The following MAGI2 variants were observed in gnomAD, a reference collection of about 807,000 sequenced individuals.
MAGI2 encodes membrane associated guanylate kinase, WW and PDZ domain containing 2, also known as membrane-associated guanylate kinase, WW and PDZ domain-containing protein 2.
MAGI2 carries 35 observed loss-of-function variants against 133.3 expected under a neutral mutation model. The ratio of observed to expected loss-of-function variants is 0.26; its 90% CI spans 0.20 to 0.35. The LOEUF (loss-of-function observed/expected upper bound fraction) is 0.35, where lower values mean the gene tolerates loss of function less well. MAGI2 is among the 10% of genes least tolerant of loss of function. The pLI is 1.00. For missense variants in MAGI2, 1,636 were observed against 1,863.4 expected (o/e 0.88, Z 2.25); for synonymous variants, 729 against 710.6 (o/e 1.03, Z -0.41).
At chr7:78,054,462 G>A (rs1812345694) in intron 21 of MAGI2, among the ~76,000 whole-genome samples, 1 of 151,930 alleles carries the variant, frequency 6.6e-6, no homozygotes, top group Admixed American at 6.6e-5. Flanking sequence ...GCTGAAGACT[G>A]GAGAGGCAGG....
At chr7:78,696,934 G>A (rs1338886571) in intron 2 of MAGI2, among the ~76,000 whole-genome samples, 3 of 152,108 alleles carry the variant, frequency 2.0e-5, no homozygotes, top group South Asian at 4.2e-4. Flanking sequence ...CACCAATCCA[G>A]CCTTTATTTT....
chr7:78,687,932 T>C (rs1017372566), intron 2 of MAGI2, among the ~76,000 whole-genome samples: 4 of 125,260 alleles, frequency 3.2e-5, no homozygotes, highest in African/African-American at 9.2e-5. Flanking sequence ...ACTGGGCCAC[T>C]GTACTCCAGT....
At chr7:78,703,490 C>T (rs573337390) in intron 2 of MAGI2, among the ~76,000 whole-genome samples, 13 of 152,028 alleles carry the variant, frequency 8.6e-5, no homozygotes, top group African/African-American at 2.4e-4. Flanking sequence ...AATCATTTTG[C>T]GTTGAATGGA....
intron 10 of MAGI2, among the ~76,000 whole-genome samples, chr7:78,231,954 A>C (rs1790017846): frequency 6.6e-6 from 1 of 151,676 alleles, no homozygotes; most frequent in African/African-American, 2.4e-5. Context: ...CCATAATACA[A>C]CCCCAAAATG....
chr7:78,618,175 C>T (rs1271023301), intron 3 of MAGI2: 3 of 151,964 alleles, frequency 2.0e-5, no homozygotes, highest in Non-Finnish European at 4.4e-5. Context: ...AAATCCAAGA[C>T]TTAACATGCA....
intron 2 of MAGI2, among the ~76,000 whole-genome samples, chr7:78,701,282 T>C (rs1818043704): frequency 6.6e-6 from 1 of 151,980 alleles, no homozygotes. Context: ...ATTTTGACTG[T>C]AAACAAGATT....
chr7:78,539,573 G>C (rs190043906), intron 3 of MAGI2, among the ~76,000 whole-genome samples: 1 of 152,132 alleles, frequency 6.6e-6, no homozygotes, highest in African/African-American at 2.4e-5. Flanking sequence ...GTATTCCAGA[G>C]CTATTCACAG....
At chr7:78,020,099 C>T in intron 21 of MAGI2, 123 bp from the exon 22 acceptor site, 1 of 756,224 alleles carries the variant, frequency 1.3e-6, no homozygotes, top group South Asian at 2.1e-5. Flanking sequence ...CCACCGCCGC[C>T]CCCACCCCCA....
At chr7:79,332,013 G>A (rs1387876999) in intron 1 of MAGI2, among the ~76,000 whole-genome samples, 1 of 151,824 alleles carries the variant, frequency 6.6e-6, no homozygotes, top group Non-Finnish European at 1.5e-5. Flanking sequence ...CAAAAAGGTA[G>A]CATTTTTGAG....
intron 1 of MAGI2, among the ~76,000 whole-genome samples, chr7:79,318,765 T>A (rs1012854481): frequency 1.3e-5 from 2 of 152,152 alleles, no homozygotes; most frequent in African/African-American, 2.4e-5. Flanking sequence ...GAAAAAATAA[T>A]TAAACAAATT....
intron 2 of MAGI2, among the ~76,000 whole-genome samples, chr7:78,747,720 G>A (rs1178750763): frequency 6.6e-6 from 1 of 152,136 alleles, no homozygotes; most frequent in African/African-American, 2.4e-5. Flanking sequence ...TTTACTCAAA[G>A]CTGCATCCGT....
At chr7:79,330,049 C>G (rs1296706334) in intron 1 of MAGI2, among the ~76,000 whole-genome samples, 1 of 151,978 alleles carries the variant, frequency 6.6e-6, no homozygotes, top group African/African-American at 2.4e-5. Context: ...GCAGATACTC[C>G]AAGTATAGTT....
intron 1 of MAGI2, among the ~76,000 whole-genome samples, chr7:79,071,420 C>T (rs978760325): frequency 1.3e-5 from 2 of 152,046 alleles, no homozygotes; most frequent in Admixed American, 6.5e-5. Context: ...TCAGGATACA[C>T]GGGGGTCAGG....
At chr7:78,894,999 A>T (rs533700962) in intron 2 of MAGI2, among the ~76,000 whole-genome samples, 2 of 152,158 alleles carry the variant, frequency 1.3e-5, no homozygotes, top group African/African-American at 4.8e-5. Context: ...TTTAACCCCA[A>T]TGTAACAGTA....
intron 20 of MAGI2, among the ~76,000 whole-genome samples, chr7:78,123,956 AAG>A (rs1200465041): frequency 6.6e-6 from 1 of 152,230 alleles, no homozygotes; most frequent in African/African-American, 2.4e-5. Flanking sequence ...TTCTGTAAGA[AAG>A]AGGAATCTTT....
chr7:78,998,445 AC>A (rs1482711720), intron 2 of MAGI2, among the ~76,000 whole-genome samples: 4 of 152,084 alleles, frequency 2.6e-5, no homozygotes, highest in African/African-American at 9.7e-5. Flanking sequence ...AAAGTTTAAT[AC>A]CTTTGCCAAG....
chr7:79,195,057 C>A (rs1310847076), intron 1 of MAGI2, among the ~76,000 whole-genome samples: 1 of 152,016 alleles, frequency 6.6e-6, no homozygotes, highest in Non-Finnish European at 1.5e-5. Flanking sequence ...TTTTTCGATA[C>A]TTTCTAATTT....
intron 21 of MAGI2, among the ~76,000 whole-genome samples, chr7:78,063,232 AT>A (rs1471083431): frequency 9.9e-6 from 1 of 101,224 alleles, no homozygotes; most frequent in Admixed American, 1.0e-4. Context: ...GATAGAAGGT[AT>A]TTTTTTCTTT....
At chr7:78,678,190 T>A (rs1389366251) in intron 2 of MAGI2, among the ~76,000 whole-genome samples, 1 of 152,134 alleles carries the variant, frequency 6.6e-6, no homozygotes, top group Non-Finnish European at 1.5e-5. Flanking sequence ...TTTTCATGAA[T>A]TTCACCTTTT....
Sources: gnomAD v4.1 joint callset for allele counts (sites outside exome capture counted in the v4.1 genomes callset) on GRCh38, gnomAD v4.1.1 for gene constraint, MANE v1.5 for transcripts, NCBI Gene and HGNC (gene_info 2026-07-23, HGNC 2026-07-21) for gene names.